Variants in TOM1L1 observed in about 807,000 individuals in gnomAD.
TOM1L1 encodes target of myb1 like 1 membrane trafficking protein.
Under a neutral mutation model 63.4 loss-of-function variants are expected in TOM1L1, and 64 were observed. That is an observed-to-expected ratio of 1.01 (90% CI 0.83 to 1.24). The LOEUF (loss-of-function observed/expected upper bound fraction) is 1.24. TOM1L1 is among the 50% of genes most tolerant of loss of function. The probability of loss-of-function intolerance (pLI) is 0.00; values close to 1 mark genes in which losing one functional copy is unlikely to be tolerated. For missense variants in TOM1L1, 536 were observed against 567.0 expected, an observed-to-expected ratio of 0.95 and a Z score of 0.55; for synonymous variants, 166 against 194.4, an observed-to-expected ratio of 0.85 and a Z score of 1.22.
At chr17:54,906,576 T>C (rs1241440156) in intron 3 of TOM1L1, among the ~76,000 whole-genome samples, 1 of 152,216 alleles carries the variant, frequency 6.6e-6, no homozygotes, top group African/African-American at 2.4e-5. Flanking sequence ...GCTTTCTGCC[T>C]TACTTGAACA....
intron 10 of TOM1L1, 135 bp downstream of exon 10, chr17:54,937,361 T>A: frequency 1.4e-6 from 1 of 728,608 alleles, no homozygotes; most frequent in Non-Finnish European, 2.3e-6. Flanking sequence ...TTAGGAGATG[T>A]GATTACTTCC....
At chr17:54,901,359 G>A (rs1265184928) in intron 1 of TOM1L1, 2 of 166,850 alleles carry the variant, frequency 1.2e-5, no homozygotes, top group African/African-American at 4.8e-5. Context: ...TTACTGTGAG[G>A]GGCAGGTCTC....
intron 11 of TOM1L1, 128 bp from the exon 12 acceptor site, chr17:54,947,133 C>T (rs1206097113): frequency 4.8e-6 from 4 of 841,596 alleles, no homozygotes; most frequent in Non-Finnish European, 7.7e-6. Context: ...ACAGTTATTA[C>T]AAAATGACAC....
chr17:54,920,007 T>A (rs200368352), intron 7 of TOM1L1, among the ~76,000 whole-genome samples: 2 of 126,998 alleles, frequency 1.6e-5, no homozygotes, highest in African/African-American at 6.8e-5. Context: ...TATTTATTTA[T>A]TTTATTTATT....
chr17:54,917,920 C>G (rs1194340713), intron 7 of TOM1L1, among the ~76,000 whole-genome samples: 2 of 152,212 alleles, frequency 1.3e-5, no homozygotes, highest in African/African-American at 4.8e-5. Context: ...AAATAATACC[C>G]TATCCCTCTG....
At chr17:54,903,826 T>C in intron 2 of TOM1L1, 34 bp downstream of exon 2, 2 of 1,579,202 alleles carry the variant, frequency 1.3e-6, no homozygotes, top group Non-Finnish European at 1.7e-6. Context: ...TATTTGCCTC[T>C]GACAAGAAGC....
chr17:54,961,491 G>A lies in TOM1L1; in HGVS notation c.*258G>A. ...ACTTCAGCAGAAGAAAAATTACTTA[G>A]TCCTTAGGCCAACCAATTTAACTGC... On this transcript the variant is annotated 3_prime_UTR_variant, in exon 16 of 16. Coordinates refer to ENST00000575882, the MANE Select transcript of TOM1L1 (RefSeq NM_005486.3). 7.0e-7 allele frequency: 1 copy of A among 1,428,590 alleles called. No homozygotes were observed. The highest frequency in any genetic ancestry group is 9.1e-7 in the Non-Finnish European group (1 of 1,095,956). The allele number at this position is 1,428,590 out of a possible 1,614,324, so 88.5% of individuals were successfully genotyped here. A position where few individuals can be genotyped will look rare whatever the true frequency, so the allele number is the denominator to read the frequency against.
rs34341249 is a variant in TOM1L1, at chr17:54,945,673, G to GTT, written c.1131-1579_1131-1578dup. ...TTTGCTATTGAGCTCATTCTGTTAA[G>GTT]TTTTTTTTTTAATTCAGTTATTGTA... On this transcript the variant is annotated intron_variant, in intron 11 of 15. Transcript: ENST00000575882. Among the ~76,000 whole-genome samples, 707 of 149,022 alleles carry GTT rather than the reference G, an allele frequency of 4.7e-3. 7 individuals carry two copies. The highest frequency in any genetic ancestry group is 0.016 in the African/African-American group (638 of 40,722).
intron 8 of TOM1L1, among the ~76,000 whole-genome samples, chr17:54,932,254 T>C (rs2048875995): frequency 6.6e-6 from 1 of 152,104 alleles, no homozygotes; most frequent in South Asian, 2.1e-4. Context: ...AGGGTCGTGA[T>C]TGATTGAGCA....
chr17:54,940,673 T>C (rs974922512), intron 11 of TOM1L1, among the ~76,000 whole-genome samples: 1 of 152,012 alleles, frequency 6.6e-6, no homozygotes, highest in Admixed American at 6.6e-5. Context: ...TATTGCTAAG[T>C]AGGAAAAAAA....
chr17:54,937,145 C>T lies in TOM1L1; in HGVS notation c.952C>T (p.Leu318Phe), dbSNP rs746384666. The T allele has an allele frequency of 6.2e-7, 1 of 1,613,680 alleles. No homozygotes were observed. Among genetic ancestry groups the T allele is most frequent in the South Asian group, 1.1e-5 (1 of 91,080 alleles). Residue 318 changes from leucine (L) to phenylalanine (F), a missense_variant, in exon 10 of 16, where the codon CTC becomes TTC. Leu to Phe is a conservative substitution (Grantham distance 22, BLOSUM62 0). Coordinates refer to ENST00000575882, the MANE Select transcript of TOM1L1 (RefSeq NM_005486.3). ...GCCTTCTGCCCCATCTCAAGATCTCCTCGACCTAAGTCCCAGTCCCCGGAT... is the reference window on the plus strand; with the variant it reads ...GCCTTCTGCCCCATCTCAAGATCTCTTCGACCTAAGTCCCAGTCCCCGGAT... ...SEPSAPSQDL[L>F]DLSPSPRMPR...
At chr17:54,950,666 G>T (rs2049208780) in intron 14 of TOM1L1, among the ~76,000 whole-genome samples, 1 of 152,092 alleles carries the variant, frequency 6.6e-6, no homozygotes, top group Non-Finnish European at 1.5e-5. Context: ...AATATACTTT[G>T]AGTGACTGAA....
rs751002589 is a variant in TOM1L1, at chr17:54,938,259, C to T, written c.1034-665C>T. 4.6e-5 allele frequency among the ~76,000 whole-genome samples: 7 copies of T among 151,972 alleles called. No homozygotes were observed. In the East Asian group the frequency reaches 9.7e-4, roughly 21 times the overall value. On this transcript the variant is annotated intron_variant, in intron 10 of 15. Transcript: ENST00000575882. ...CTATAATCCCAGCACTTTGGGAGGC[C>T]GAGTCAGGTGGATCACCTGAGGTCA...
intron 11 of TOM1L1, among the ~76,000 whole-genome samples, chr17:54,941,074 G>A (rs536183731): frequency 6.6e-6 from 1 of 151,718 alleles, no homozygotes; most frequent in African/African-American, 2.4e-5. Context: ...TATTTGTTAG[G>A]TTCTGATTTA....
rs1307189101 is a variant in TOM1L1, at chr17:54,915,881, G to T, written c.720+19G>T. On this transcript the variant is annotated intron_variant, in intron 7 of 15. Coordinates refer to ENST00000575882, the MANE Select transcript of TOM1L1 (RefSeq NM_005486.3). ...TCTGCAGGTGTTGTACGATTTCAGG[G>T]ACTATCAGTCAAAGTGTCTCTTAAA... 2.5e-6 allele frequency: 4 copies of T among 1,576,542 alleles called. No individual in the cohort carries two copies. The highest frequency in any genetic ancestry group is 3.5e-6 in the Non-Finnish European group (4 of 1,146,612).
At chr17:54,957,352 A>AT (rs1169792875) in intron 14 of TOM1L1, 1 of 152,226 alleles carries the variant, frequency 6.6e-6, no homozygotes, top group African/African-American at 2.4e-5. Flanking sequence ...TAGAGTAGAT[A>AT]TATCACTGAT....
intron 1 of TOM1L1, among the ~76,000 whole-genome samples, chr17:54,901,883 G>A (rs1475044787): frequency 6.6e-6 from 1 of 152,106 alleles, no homozygotes; most frequent in African/African-American, 2.4e-5. Flanking sequence ...TTGAGGAGAT[G>A]CTTTCCCTTA....
intron 7 of TOM1L1, among the ~76,000 whole-genome samples, chr17:54,929,575 T>G (rs1177568507): frequency 1.3e-5 from 2 of 152,230 alleles, no homozygotes; most frequent in Non-Finnish European, 2.9e-5. Flanking sequence ...TTTAACTACT[T>G]CTGCTACTGC....
At chr17:54,933,660 C>G (rs980412866) in intron 8 of TOM1L1, among the ~76,000 whole-genome samples, 1 of 152,116 alleles carries the variant, frequency 6.6e-6, no homozygotes, top group Non-Finnish European at 1.5e-5. Context: ...GTAGCTGGGA[C>G]GACAAGCGTG....
Sources: allele counts gnomAD v4.1 joint callset (sites outside exome capture counted in the v4.1 genomes callset), GRCh38; gene constraint gnomAD v4.1.1; transcripts MANE v1.5; gene names NCBI Gene and HGNC (gene_info 2026-07-23, HGNC 2026-07-21).